The following PARD6B variants were observed in gnomAD, a reference collection of about 807,000 sequenced individuals.
PARD6B encodes par-6 family cell polarity regulator beta, also known as partitioning defective 6 homolog beta.
Under a neutral mutation model 10.5 loss-of-function variants are expected in PARD6B, and 4 were observed. The ratio of observed to expected loss-of-function variants is 0.38; its 90% CI spans 0.19 to 0.87. PARD6B has a LOEUF of 0.87. Ranked by LOEUF, PARD6B falls within the 40% of genes least tolerant of loss-of-function variation. The pLI is 0.41. For missense variants in PARD6B, 396 were observed against 470.6 expected, an observed-to-expected ratio of 0.84 and a Z score of 1.47; for synonymous variants, 169 against 170.4, an observed-to-expected ratio of 0.99 and a Z score of 0.07.
At chr20:50,740,174 A>G (rs1269067897) in intron 2 of PARD6B, among the ~76,000 whole-genome samples, 1 of 152,256 alleles carries the variant, frequency 6.6e-6, no homozygotes, top group African/African-American at 2.4e-5. Flanking sequence ...GAAAAGTGAT[A>G]GTTAAAATTT....
intron 2 of PARD6B, among the ~76,000 whole-genome samples, chr20:50,743,888 CAA>C (rs1216305315): frequency 3.0e-4 from 17 of 56,152 alleles, no homozygotes; most frequent in Admixed American, 4.1e-4. Context: ...GACTCCGTCT[CAA>C]AAAAAAAAAA....
intron 1 of PARD6B, among the ~76,000 whole-genome samples, chr20:50,732,124 G>C (rs1438770625): frequency 6.6e-6 from 1 of 152,268 alleles, no homozygotes; most frequent in Non-Finnish European, 1.5e-5. Flanking sequence ...TCACGGACGG[G>C]AGTAGGGGCC....
intron 1 of PARD6B, among the ~76,000 whole-genome samples, chr20:50,734,549 G>A (rs2087489493): frequency 6.6e-6 from 1 of 151,662 alleles, no homozygotes; most frequent in African/African-American, 2.4e-5. Flanking sequence ...TTGTAGAGAT[G>A]GGGTCTCTCC....
intron 2 of PARD6B, among the ~76,000 whole-genome samples, chr20:50,743,750 TTGG>T (rs2087544326): frequency 6.6e-6 from 1 of 151,708 alleles, no homozygotes; most frequent in Non-Finnish European, 1.5e-5. Context: ...TTAGCCGGGC[TTGG>T]TGGTGGGCGC....
Position 50,743,757 on chromosome 20 carries a change from T to C in PARD6B, c.289+5678T>C, listed in dbSNP as rs534105163. ...CAAAAAAATTAGCCGGGCTTGGTGG[T>C]GGGCGCCTGTAGTCCCAGCTACTCG... On this transcript the variant is annotated intron_variant, in intron 2 of 2. Coordinates refer to ENST00000371610, the MANE Select transcript of PARD6B (RefSeq NM_032521.3). Among the ~76,000 whole-genome samples the C allele has an allele frequency of 4.2e-4, 63 of 151,638 alleles. 1 individual carries two copies. Among genetic ancestry groups the C allele is most frequent in the Middle Eastern group, 6.8e-3 (2 of 294 alleles).
chr20:50,747,873 T>C (rs2294593), intron 2 of PARD6B, among the ~76,000 whole-genome samples: 38,659 of 152,110 alleles, frequency 0.25, 4,967 homozygotes, highest in African/African-American at 0.27. Flanking sequence ...GAAGCAGCTA[T>C]GCCATCTAAA....
chr20:50,733,922 T>A (rs2087485676), intron 1 of PARD6B, among the ~76,000 whole-genome samples: 1 of 152,222 alleles, frequency 6.6e-6, no homozygotes, highest in African/African-American at 2.4e-5. Flanking sequence ...AAAACTGGAA[T>A]TTCAGGCTTT....
At chr20:50,732,255 C>T (rs1332271778) in intron 1 of PARD6B, among the ~76,000 whole-genome samples, 1 of 152,218 alleles carries the variant, frequency 6.6e-6, no homozygotes, top group East Asian at 1.9e-4. Flanking sequence ...TTCCCACTTT[C>T]TGTGGTTAAG....
rs1260983322 is a variant in PARD6B at position 50,750,691 on chromosome 20, C to G, written c.*203C>G. The G allele has an allele frequency of 7.4e-7, 1 of 1,355,280 alleles. No individual in the cohort carries two copies. Among genetic ancestry groups the G allele is most frequent in the Non-Finnish European group, 9.5e-7 (1 of 1,057,858 alleles). The allele number at this position is 1,355,280 out of a possible 1,614,324, so 84.0% of individuals were successfully genotyped here. A position where few individuals can be genotyped will look rare whatever the true frequency, so the allele number is the denominator to read the frequency against. On this transcript the variant is annotated 3_prime_UTR_variant, in exon 3 of 3. Transcript: ENST00000371610. ...ATCAGAGGTGAATTTAAGTCCAAAA[C>G]AAAGGGGCCTTTGCTGATGAAGTTA... is the stretch of plus-strand genomic sequence containing the variant.
Position 50,750,104 on chromosome 20 carries a change from A to G in PARD6B, c.735A>G (p.Thr245=). 2 of 1,614,264 alleles carry G rather than the reference A, an allele frequency of 1.2e-6. No individual in the cohort carries two copies. Among genetic ancestry groups the G allele is most frequent in the Non-Finnish European group, 1.7e-6 (2 of 1,180,046 alleles). Residue 245 remains threonine (T), a synonymous_variant, in exon 3 of 3, where the codon ACA becomes ACG. Coordinates refer to ENST00000371610, the MANE Select transcript of PARD6B (RefSeq NM_032521.3). ...CAAATAGCCGTAACCTCATCATAACAGTGAGACCGGCAAACCAGAGGAATA... is the reference window on the plus strand; with the variant it reads ...CAAATAGCCGTAACCTCATCATAACGGTGAGACCGGCAAACCAGAGGAATA... The part of the protein sequence containing the change: ...MIANSRNLII[T]VRPANQRNNV...
intron 1 of PARD6B, among the ~76,000 whole-genome samples, chr20:50,733,191 G>A (rs539114792): frequency 1.4e-4 from 22 of 152,198 alleles, no homozygotes; most frequent in Non-Finnish European, 2.8e-4. Context: ...AGGCCGAGGC[G>A]GGTGGATCAC....
At chr20:50,736,216 A>T (rs534246502) in intron 1 of PARD6B, among the ~76,000 whole-genome samples, 1 of 152,340 alleles carries the variant, frequency 6.6e-6, no homozygotes, top group African/African-American at 2.4e-5. Flanking sequence ...CTTTAGATAG[A>T]GCAAAACCAG....
Position 50,731,587 on chromosome 20 carries a change from C to T in PARD6B, c.-200C>T, listed in dbSNP as rs1600812566. On this transcript the variant is annotated 5_prime_UTR_variant, in exon 1 of 3. Coordinates refer to ENST00000371610, the MANE Select transcript of PARD6B (RefSeq NM_032521.3). ...CCCGCCTGCCGCGCCACCAGTCCGA[C>T]CCTCGGTCCCGCCGTGTGAGCAGCT... 4.5e-6 allele frequency: 2 copies of T among 443,918 alleles called. No homozygotes were observed. The highest frequency in any genetic ancestry group is 9.0e-5 in the Admixed American group (2 of 22,266). 27.5% of individuals were successfully genotyped at this position (443,918 alleles called of 1,614,324 possible).
chr20:50,747,569 T>A (rs903663607), intron 2 of PARD6B, among the ~76,000 whole-genome samples: 5 of 150,664 alleles, frequency 3.3e-5, no homozygotes, highest in South Asian at 4.2e-4. Flanking sequence ...GTTTTTTTTT[T>A]AATTCATGTA....
In PARD6B at chr20:50,753,018, T is replaced by C. The variant is rs1021908651; in HGVS notation, c.*2530T>C. The C allele has an allele frequency of 3.1e-6, 3 of 982,684 alleles. No homozygotes were observed. The highest frequency in any genetic ancestry group is 1.8e-5 in the African/African-American group (1 of 57,114). 60.9% of individuals were successfully genotyped at this position (982,684 alleles called of 1,614,324 possible). On this transcript the variant is annotated 3_prime_UTR_variant, in exon 3 of 3. Coordinates refer to ENST00000371610, the MANE Select transcript of PARD6B (RefSeq NM_032521.3). Reference sequence around the variant, plus strand: ...AGAAGGTTAACTTTCATTTATAATATAAGTGGTGCAGGGGTTCAACATTTT... The same window carrying C: ...AGAAGGTTAACTTTCATTTATAATACAAGTGGTGCAGGGGTTCAACATTTT...
At chr20:50,737,519 A>G (rs1210187649) in intron 1 of PARD6B, among the ~76,000 whole-genome samples, 1 of 152,154 alleles carries the variant, frequency 6.6e-6, no homozygotes, top group Non-Finnish European at 1.5e-5. Context: ...GCACCTGAGG[A>G]GAGCATTGCC....
rs2087617113 is a variant in PARD6B at position 50,752,295 on chromosome 20, T to C, written c.*1807T>C. On this transcript the variant is annotated 3_prime_UTR_variant, in exon 3 of 3. Coordinates refer to ENST00000371610, the MANE Select transcript of PARD6B (RefSeq NM_032521.3). ...AAAAAATACATCCAAATTAAGATGT[T>C]TTAACACATAGGACAAACTTGTGCA... is the stretch of plus-strand genomic sequence containing the variant. The C allele has an allele frequency of 2.0e-6, 2 of 984,898 alleles. No homozygotes were observed. Among genetic ancestry groups the C allele is most frequent in the African/African-American group, 3.5e-5 (2 of 56,802 alleles). 61.0% of individuals were successfully genotyped at this position (984,898 alleles called of 1,614,324 possible).
In PARD6B at chr20:50,751,084, C is replaced by A; in HGVS notation, c.*596C>A. The stretch of plus-strand genomic sequence containing the variant: ...CCCTGGGCTCAAGCAGTCCTCCCAC[C>A]TCAGCCTCCTGAGTAGCTGGGACCA... On this transcript the variant is annotated 3_prime_UTR_variant, in exon 3 of 3. Transcript: ENST00000371610. 4.1e-6 allele frequency: 2 copies of A among 487,586 alleles called. No homozygotes were observed. Among genetic ancestry groups the A allele is most frequent in the Non-Finnish European group, 5.3e-6 (2 of 377,144 alleles). The allele number at this position is 487,586 out of a possible 1,614,324, so 30.2% of individuals were successfully genotyped here.
At position 50,750,638 on chromosome 20, in the gene PARD6B, T is replaced by G; in HGVS notation, c.*150T>G. Reference sequence around the variant, plus strand: ...TTACAATATTATTAAAGTAGTAGTTTGATAATTGTTAATATAAACTTTGGT... The same window carrying G: ...TTACAATATTATTAAAGTAGTAGTTGGATAATTGTTAATATAAACTTTGGT... On this transcript the variant is annotated 3_prime_UTR_variant, in exon 3 of 3. Coordinates refer to ENST00000371610, the MANE Select transcript of PARD6B (RefSeq NM_032521.3). The G allele has an allele frequency of 7.1e-7, 1 of 1,411,412 alleles. No homozygotes were observed. The highest frequency in any genetic ancestry group is 9.2e-7 in the Non-Finnish European group (1 of 1,087,332). 87.4% of individuals were successfully genotyped at this position (1,411,412 alleles called of 1,614,324 possible). A position where few individuals can be genotyped will look rare whatever the true frequency, so the allele number is the denominator to read the frequency against.
Sources: gnomAD v4.1 joint callset for allele counts (sites outside exome capture counted in the v4.1 genomes callset) on GRCh38, gnomAD v4.1.1 for gene constraint, MANE v1.5 for transcripts, NCBI Gene and HGNC (gene_info 2026-07-23, HGNC 2026-07-21) for gene names.